ANKRD11: variants seen among roughly 807,000 people sequenced by gnomAD.
ANKRD11 encodes the protein ankyrin repeat domain 11, also known as ankyrin repeat domain-containing protein 11.
Under a neutral mutation model 195.7 loss-of-function variants are expected in ANKRD11, and 17 were observed. The observed-to-expected ratio is 0.09, with a 90% confidence interval of 0.06 to 0.13. ANKRD11 has a LOEUF of 0.13. Ranked by LOEUF, ANKRD11 falls within the 10% of genes least tolerant of loss-of-function variation. The pLI is 1.00. For missense variants in ANKRD11, 3,735 were observed against 3,566.1 expected, an observed-to-expected ratio of 1.05 and a Z score of -1.21; for synonymous variants, 1,953 against 1,528.1, an observed-to-expected ratio of 1.28 and a Z score of -6.49.
intron 1 of ANKRD11, among the ~76,000 whole-genome samples, chr16:89,489,548 G>A (rs1279070371): frequency 3.3e-5 from 5 of 150,546 alleles, no homozygotes; most frequent in African/African-American, 1.2e-4. Context: ...CCCGAGAGCC[G>A]CCTGCTCTCA....
chr16:89,295,984 C>CTTTTTTT (rs1567600671), intron 4 of ANKRD11, among the ~76,000 whole-genome samples: 2 of 18,232 alleles, frequency 1.1e-4, no homozygotes, highest in African/African-American at 3.3e-4. Flanking sequence ...TATCTGGCTG[C>CTTTTTTT]CTTTTTTTTT....
intron 2 of ANKRD11, among the ~76,000 whole-genome samples, chr16:89,344,552 CCTT>C (rs1476754604): frequency 3.9e-5 from 6 of 152,206 alleles, no homozygotes; most frequent in African/African-American, 1.4e-4. Flanking sequence ...AAAGGCTCCT[CCTT>C]GTCTGAACGC....
intron 4 of ANKRD11, chr16:89,300,420 C>T (rs1005132130): frequency 5.4e-6 from 1 of 186,492 alleles, no homozygotes; most frequent in African/African-American, 2.4e-5. Context: ...GCCAGAGGCT[C>T]CCAGGGGCGC....
At chr16:89,324,585 A>T in intron 2 of ANKRD11, 1 of 450,850 alleles carries the variant, frequency 2.2e-6, no homozygotes, top group Non-Finnish European at 4.5e-6. Context: ...GGGGGGCATG[A>T]TCTCATCAGC....
intron 3 of ANKRD11, among the ~76,000 whole-genome samples, chr16:89,316,035 G>A (rs932206483): frequency 2.0e-5 from 3 of 152,136 alleles, no homozygotes; most frequent in African/African-American, 7.2e-5. Flanking sequence ...GGGTCAGACA[G>A]GTCACAGATG....
rs75670306 is a variant in ANKRD11, at chr16:89,358,442, C to T, written c.-59-41364G>A. Among the ~76,000 whole-genome samples the T allele has an allele frequency of 1.5e-4, 23 of 152,324 alleles. No individual in the cohort carries two copies. The East Asian group carries it at 4.4e-3, about 29-fold the overall frequency. ...GCCTATATTACTGGTACTCAATTTC[C>T]AGGTTGGGTTGGTAACTGGATTGTT... On this transcript the variant is annotated intron_variant, in intron 2 of 12. Transcript: ENST00000301030.
intron 1 of ANKRD11, among the ~76,000 whole-genome samples, chr16:89,430,904 G>A (rs1223486860): frequency 6.6e-6 from 1 of 152,078 alleles, no homozygotes; most frequent in African/African-American, 2.4e-5. Context: ...TCTTCCCACT[G>A]TGCTTCCTCC....
At chr16:89,352,625 G>A (rs2039274994) in intron 2 of ANKRD11, among the ~76,000 whole-genome samples, 2 of 152,182 alleles carry the variant, frequency 1.3e-5, no homozygotes, top group South Asian at 4.1e-4. Context: ...GATCTTTGAA[G>A]GGTAAAAGCT....
At chr16:89,290,041 A>G (rs2034923146) in intron 6 of ANKRD11, among the ~76,000 whole-genome samples, 1 of 152,266 alleles carries the variant, frequency 6.6e-6, no homozygotes, top group Admixed American at 6.5e-5. Flanking sequence ...AAATAAAAAT[A>G]ACAATAAAAC....
At chr16:89,330,669 G>C (rs1265527623) in intron 2 of ANKRD11, among the ~76,000 whole-genome samples, 1 of 57,202 alleles carries the variant, frequency 1.7e-5, no homozygotes, top group Non-Finnish European at 3.8e-5. Flanking sequence ...GGGGGGGGGG[G>C]GGGGGGCGGG....
intron 2 of ANKRD11, among the ~76,000 whole-genome samples, chr16:89,394,039 G>C (rs1219790415): frequency 6.6e-6 from 1 of 152,166 alleles, no homozygotes; most frequent in Non-Finnish European, 1.5e-5. Flanking sequence ...CAACACAGCG[G>C]TGCCTGCAGC....
chr16:89,463,471 A>G (rs1229595131), intron 1 of ANKRD11, among the ~76,000 whole-genome samples: 2 of 152,200 alleles, frequency 1.3e-5, no homozygotes, highest in African/African-American at 4.8e-5. Context: ...GGTTGAAGGC[A>G]GCATACTCGT....
chr16:89,412,051 T>C (rs34162719), intron 2 of ANKRD11, among the ~76,000 whole-genome samples: 24 of 82,080 alleles, frequency 2.9e-4, no homozygotes, highest in Admixed American at 5.0e-4. Context: ...GGCTGAGATG[T>C]CTCCCAGAGT....
In ANKRD11 at chr16:89,282,257, C is replaced by G. The variant is rs1477477198; in HGVS notation, c.4285G>C (p.Asp1429His). The G allele has an allele frequency of 1.2e-6, 2 of 1,613,832 alleles. No individual in the cohort carries two copies. Among genetic ancestry groups the G allele is most frequent in the African/African-American group, 2.7e-5 (2 of 74,810 alleles). The change falls in exon 9 of 13, where the codon GAT (aspartate) becomes CAT (histidine). Residue 1429 changes from aspartate to histidine, a missense_variant. Asp to His is a moderately conservative substitution (Grantham distance 81). Coordinates refer to ENST00000301030, the MANE Select transcript of ANKRD11 (RefSeq NM_013275.6). ...GGTTCTCTCTCGGAATCATTTTTAT[C>G]TTTCTTTTCGGTAGAAAACAATTCA... ...TIELFSTEKK[D>H]KNDSEREPSK...
At position 89,281,184 on chromosome 16, in the gene ANKRD11, G is replaced by C. The variant is rs1251878560; in HGVS notation, c.5358C>G (p.Asn1786Lys). ...SQAPARPLST[N>K]LYRSVSVDIR... ...TGTCGACAGAGACCGAGCGGTAAAG[G>C]TTTGTGGAGAGAGGCCTGGCAGGAG... The change falls in exon 9 of 13, where the codon AAC (asparagine) becomes AAG (lysine). Residue 1786 changes from asparagine (N) to lysine (K), a missense_variant. Physicochemically the swap from Asn to Lys is moderately conservative, Grantham distance 94. Coordinates refer to ENST00000301030, the MANE Select transcript of ANKRD11 (RefSeq NM_013275.6). This position sits in a 1 kb window ranked among gnomAD's most constrained non-coding sequence, Gnocchi z 5.5. 5.6e-6 allele frequency: 9 copies of C among 1,614,206 alleles called. No individual in the cohort carries two copies. The highest frequency in any genetic ancestry group is 7.6e-6 in the Non-Finnish European group (9 of 1,180,036).
At chr16:89,368,758 T>TA (rs572190926) in intron 2 of ANKRD11, among the ~76,000 whole-genome samples, 86 of 151,922 alleles carry the variant, frequency 5.7e-4, no homozygotes, top group Non-Finnish European at 9.3e-4. Flanking sequence ...ATACAAAAAT[T>TA]AGTCAGGTGT....
chr16:89,275,059 C>T (rs752811231), intron 10 of ANKRD11, 34 bp downstream of exon 10: 18 of 1,612,280 alleles, frequency 1.1e-5, no homozygotes, highest in Admixed American at 5.0e-5. Flanking sequence ...AAGCCCTGGC[C>T]GTGGCGCCCC....
At chr16:89,302,442 A>G (rs1301179342) in intron 4 of ANKRD11, among the ~76,000 whole-genome samples, 3 of 152,102 alleles carry the variant, frequency 2.0e-5, no homozygotes, top group South Asian at 2.1e-4. Flanking sequence ...TAGTAGCGAC[A>G]GGGTTTCTTC....
At chr16:89,478,704 T>C (rs1229827446) in intron 1 of ANKRD11, among the ~76,000 whole-genome samples, 2 of 152,210 alleles carry the variant, frequency 1.3e-5, no homozygotes, top group Non-Finnish European at 2.9e-5. Context: ...CCTGCACCAC[T>C]AAAGCGGGTG....
Sources: allele counts gnomAD v4.1 joint callset (sites outside exome capture counted in the v4.1 genomes callset), GRCh38; gene constraint gnomAD v4.1.1; non-coding constraint Gnocchi (gnomAD v3.1); transcripts MANE v1.5; gene names NCBI Gene and HGNC (gene_info 2026-07-23, HGNC 2026-07-21).